Variants in IMMP2L observed in about 807,000 individuals in gnomAD.
IMMP2L encodes the protein mitochondrial inner membrane protease subunit 2.
IMMP2L carries 18 observed loss-of-function variants against 19.3 expected under a neutral mutation model. The ratio of observed to expected loss-of-function variants is 0.93; its 90% CI spans 0.64 to 1.38. The LOEUF (loss-of-function observed/expected upper bound fraction) is 1.38, where lower values mean the gene tolerates loss of function less well. Among genes scored for constraint, IMMP2L ranks in the 40% most tolerant of loss-of-function variants. The pLI is 0.00. For missense variants in IMMP2L, 233 were observed against 218.2 expected (o/e 1.07, Z -0.43); for synonymous variants, 76 against 73.0 (o/e 1.04, Z -0.21).
chr7:111,550,889 T>C (rs555132907), intron 1 of IMMP2L, among the ~76,000 whole-genome samples: 3 of 152,036 alleles, frequency 2.0e-5, no homozygotes, highest in South Asian at 2.1e-4. Flanking sequence ...AGACAGGTAG[T>C]GGGGCTAAGG....
At chr7:111,068,629 C>T (rs778012986) in intron 3 of IMMP2L, among the ~76,000 whole-genome samples, 10 of 152,140 alleles carry the variant, frequency 6.6e-5, no homozygotes, top group Non-Finnish European at 1.3e-4. Context: ...ATTCCAAGTA[C>T]TTATTGTTTT....
At chr7:111,529,401 T>C (rs1301369068) in intron 1 of IMMP2L, among the ~76,000 whole-genome samples, 1 of 152,156 alleles carries the variant, frequency 6.6e-6, no homozygotes, top group Non-Finnish European at 1.5e-5. Flanking sequence ...TTTAAAAAAT[T>C]TTTTCAGGAC....
rs1472257818 is a variant in IMMP2L at position 110,775,612 on chromosome 7, C to T, written c.408+110981G>A. ...ATTTGTCTTTAGTTCAAAGCCATAC[C>T]TAGAGGAACCCTCAAAATACTTTTC... On this transcript the variant is annotated intron_variant, in intron 5 of 5. Transcript: ENST00000405709. Among the ~76,000 whole-genome samples the T allele has an allele frequency of 2.0e-5, 3 of 152,002 alleles. No individual in the cohort carries two copies. The East Asian group carries it at 5.8e-4, about 29-fold the overall frequency.
chr7:110,694,375 C>A (rs375961512), intron 5 of IMMP2L, among the ~76,000 whole-genome samples: 10 of 151,920 alleles, frequency 6.6e-5, no homozygotes, highest in Non-Finnish European at 1.0e-4. Flanking sequence ...ATGTTGTAAA[C>A]CTAAATGAAA....
intron 1 of IMMP2L, among the ~76,000 whole-genome samples, chr7:111,560,818 A>G (rs764705992): frequency 2.2e-4 from 34 of 152,216 alleles, no homozygotes; most frequent in Non-Finnish European, 3.7e-4. Flanking sequence ...ACCCATTATC[A>G]ATAAACAATC....
In IMMP2L at chr7:111,398,942, A is replaced by G. The variant is rs1016520870; in HGVS notation, c.239+88296T>C. ...AACAAGGAGTTGAAAGACCTCTACA[A>G]GGAAAACTACAAAATGCTGCTGAAA... On this transcript the variant is annotated intron_variant, in intron 3 of 5. Transcript: ENST00000405709. Among the ~76,000 whole-genome samples, 10 of 152,202 alleles carry G rather than the reference A, an allele frequency of 6.6e-5. No homozygotes were observed. The South Asian group carries it at 1.9e-3, about 28-fold the overall frequency.
intron 5 of IMMP2L, among the ~76,000 whole-genome samples, chr7:110,794,274 TTTA>T (rs1211727876): frequency 6.6e-6 from 1 of 152,098 alleles, no homozygotes; most frequent in African/African-American, 2.4e-5. Context: ...GATGAATAGA[TTTA>T]GTAAACTGTG....
intron 3 of IMMP2L, among the ~76,000 whole-genome samples, chr7:111,243,517 T>A (rs1405344946): frequency 6.8e-6 from 1 of 147,494 alleles, no homozygotes; most frequent in Admixed American, 6.7e-5. Flanking sequence ...TTGCTTTATT[T>A]TTTTTTTTTT....
chr7:110,694,176 G>A (rs1392833676), intron 5 of IMMP2L, among the ~76,000 whole-genome samples: 1 of 151,986 alleles, frequency 6.6e-6, no homozygotes, highest in Non-Finnish European at 1.5e-5. Context: ...TCCAATTCAA[G>A]TTTTTACCTT....
At chr7:110,843,904 G>A (rs1008866228) in intron 5 of IMMP2L, among the ~76,000 whole-genome samples, 2 of 152,120 alleles carry the variant, frequency 1.3e-5, no homozygotes, top group Non-Finnish European at 2.9e-5. Context: ...GGCTAAGGCA[G>A]GGCACATGAG....
intron 4 of IMMP2L, among the ~76,000 whole-genome samples, chr7:110,904,789 C>G (rs560502880): frequency 5.3e-5 from 8 of 152,112 alleles, no homozygotes; most frequent in African/African-American, 1.9e-4. Flanking sequence ...GGCTAAATTG[C>G]GATTTGTCAG....
intron 3 of IMMP2L, among the ~76,000 whole-genome samples, chr7:111,087,962 G>C (rs1346567355): frequency 6.6e-6 from 1 of 152,132 alleles, no homozygotes; most frequent in African/African-American, 2.4e-5. Context: ...ATGACATGCA[G>C]AGATAATACT....
chr7:111,207,217 T>C (rs1810806886), intron 3 of IMMP2L, among the ~76,000 whole-genome samples: 1 of 152,146 alleles, frequency 6.6e-6, no homozygotes. Flanking sequence ...GCCAAGCACT[T>C]GACTTTTGGA....
intron 1 of IMMP2L, among the ~76,000 whole-genome samples, chr7:111,524,980 G>A (rs557929572): frequency 6.6e-6 from 1 of 152,122 alleles, no homozygotes; most frequent in African/African-American, 2.4e-5. Flanking sequence ...CAAGCACTGT[G>A]TTAGGTACCA....
rs1323248870 is a variant in IMMP2L at position 110,784,639 on chromosome 7, TA to T, written c.408+101953del. The stretch of plus-strand genomic sequence containing the variant: ...TTAAAGATGTATCATGGTTCTAGGA[TA>T]AAAACAAAACCTCTCAATGAGGTCT... On this transcript the variant is annotated intron_variant, in intron 5 of 5. Coordinates refer to ENST00000405709, the MANE Select transcript of IMMP2L (RefSeq NM_032549.4). Among the ~76,000 whole-genome samples, 11 of 152,006 alleles carry T rather than the reference TA, an allele frequency of 7.2e-5. No homozygotes were observed. In the East Asian group the frequency reaches 2.1e-3, roughly 30 times the overall value.
chr7:110,813,127 T>C (rs542490845), intron 5 of IMMP2L, among the ~76,000 whole-genome samples: 1 of 152,136 alleles, frequency 6.6e-6, no homozygotes, highest in African/African-American at 2.4e-5. Flanking sequence ...GTGAAAAAGT[T>C]GTCATAAAAT....
At chr7:111,120,490 CAACA>C (rs1800464130) in intron 3 of IMMP2L, among the ~76,000 whole-genome samples, 1 of 152,150 alleles carries the variant, frequency 6.6e-6, no homozygotes, top group African/African-American at 2.4e-5. Context: ...GTCCCTCCCA[CAACA>C]CATGGGAATT....
chr7:111,238,184 A>T (rs1196185447), intron 3 of IMMP2L, among the ~76,000 whole-genome samples: 1 of 152,040 alleles, frequency 6.6e-6, no homozygotes. Context: ...GGACACATAA[A>T]GTTGGAGTAA....
chr7:111,124,602 C>T (rs772921294), intron 3 of IMMP2L: 8 of 1,613,766 alleles, frequency 5.0e-6, no homozygotes, highest in Admixed American at 3.3e-5. Context: ...TAAATGTCAC[C>T]ACCAAAGGTT....
Sources: gnomAD v4.1 joint callset for allele counts (sites outside exome capture counted in the v4.1 genomes callset) on GRCh38, gnomAD v4.1.1 for gene constraint, MANE v1.5 for transcripts, NCBI Gene and HGNC (gene_info 2026-07-23, HGNC 2026-07-21) for gene names.